The following IKZF3 variants were observed in gnomAD, a reference collection of about 807,000 sequenced individuals.
IKZF3 encodes the protein zinc finger protein Aiolos.
Under a neutral mutation model 49.0 loss-of-function variants are expected in IKZF3, and 10 were observed. The ratio of observed to expected loss-of-function variants is 0.20; its 90% CI spans 0.13 to 0.35. The LOEUF (loss-of-function observed/expected upper bound fraction) is 0.35. Ranked by LOEUF, IKZF3 falls within the 10% of genes least tolerant of loss-of-function variation. IKZF3 has a pLI of 1.00. For missense variants in IKZF3, 498 were observed against 664.8 expected, an observed-to-expected ratio of 0.75 and a Z score of 2.76; for synonymous variants, 209 against 228.2, an observed-to-expected ratio of 0.92 and a Z score of 0.76.
chr17:39,820,360 A>ATATC, intron 3 of IKZF3, among the ~76,000 whole-genome samples: 1 of 152,220 alleles, frequency 6.6e-6, no homozygotes, highest in South Asian at 2.1e-4. Flanking sequence ...ATAAAATGTG[A>ATATC]GCAATATTAA....
chr17:39,765,761 A>G lies in IKZF3; in HGVS notation c.*29T>C. The G allele has an allele frequency of 6.6e-7, 1 of 1,518,778 alleles. No individual in the cohort carries two copies. Among genetic ancestry groups the G allele is most frequent in the Non-Finnish European group, 9.0e-7 (1 of 1,110,302 alleles). 94.1% of individuals were successfully genotyped at this position (1,518,778 alleles called of 1,614,324 possible). On this transcript the variant is annotated 3_prime_UTR_variant, in exon 8 of 8. Transcript: ENST00000346872. Reference sequence around the variant, plus strand: ...TTGGTTTTTAGAAACGATGCTGAATACATAGGAGCAATCCCTGAGACCAGA... The same window carrying G: ...TTGGTTTTTAGAAACGATGCTGAATGCATAGGAGCAATCCCTGAGACCAGA...
chr17:39,834,291 C>T (rs1444515372), intron 1 of IKZF3, among the ~76,000 whole-genome samples: 2 of 152,160 alleles, frequency 1.3e-5, no homozygotes, highest in African/African-American at 2.4e-5. Flanking sequence ...GTGCTTCTTC[C>T]CTCTACTTTG....
At chr17:39,791,099 C>T (rs1057186233) in intron 5 of IKZF3, among the ~76,000 whole-genome samples, 1 of 150,518 alleles carries the variant, frequency 6.6e-6, no homozygotes, top group African/African-American at 2.4e-5. Context: ...ATAAAGTTTA[C>T]CAGAAGAAAA....
intron 3 of IKZF3, among the ~76,000 whole-genome samples, chr17:39,821,343 T>C (rs189584564): frequency 6.6e-6 from 1 of 152,240 alleles, no homozygotes; most frequent in East Asian, 1.9e-4. Flanking sequence ...TGGGATTTGC[T>C]AGATCAGCCC....
chr17:39,864,104 C>T lies in IKZF3; in HGVS notation c.7+16G>A, dbSNP rs760982298. ...TCTCAAAGACCCCGGAGAAAAGAAG[C>T]GGGCTGGAGGCTCACCTTCCATGTC... On this transcript the variant is annotated intron_variant, in intron 1 of 7. Transcript: ENST00000346872. The T allele has an allele frequency of 3.0e-5, 49 of 1,612,744 alleles. No homozygotes were observed. In the South Asian group the frequency reaches 4.5e-4, roughly 15 times the overall value.
At chr17:39,803,779 C>T (rs2061375051) in intron 3 of IKZF3, among the ~76,000 whole-genome samples, 1 of 152,126 alleles carries the variant, frequency 6.6e-6, no homozygotes, top group African/African-American at 2.4e-5. Flanking sequence ...TCCCAAAGTG[C>T]TAGGATTACA....
intron 7 of IKZF3, among the ~76,000 whole-genome samples, chr17:39,767,463 G>A (rs987374575): frequency 3.9e-5 from 6 of 152,132 alleles, no homozygotes; most frequent in Admixed American, 2.0e-4. Flanking sequence ...GAGAGAAAGC[G>A]AGGAAGTGGA....
chr17:39,781,443 A>AG (rs1026915270), intron 6 of IKZF3, among the ~76,000 whole-genome samples: 2 of 152,194 alleles, frequency 1.3e-5, no homozygotes, highest in African/African-American at 4.8e-5. Flanking sequence ...AAAGATTTAT[A>AG]GGGAAAAAAA....
rs146441202 is a variant in IKZF3 at position 39,817,714 on chromosome 17, A to G, written c.163+11673T>C. ...TGTTTTTACATTCTATTACTTTTATAATTTAGCATGTATAATTTATACATA... is the reference window on the plus strand; with the variant it reads ...TGTTTTTACATTCTATTACTTTTATGATTTAGCATGTATAATTTATACATA... On this transcript the variant is annotated intron_variant, in intron 3 of 7. Coordinates refer to ENST00000346872, the MANE Select transcript of IKZF3 (RefSeq NM_012481.5). Among the ~76,000 whole-genome samples, 517 of 152,292 alleles carry G rather than the reference A, an allele frequency of 3.4e-3. 3 individuals are homozygous for G. Among genetic ancestry groups the G allele is most frequent in the African/African-American group, 0.012 (502 of 41,552 alleles).
At position 39,828,377 on chromosome 17, in the gene IKZF3, C is replaced by T. The variant is rs534666580; in HGVS notation, c.163+1010G>A. Among the ~76,000 whole-genome samples the T allele has an allele frequency of 2.8e-4, 43 of 152,242 alleles. 1 individual carries two copies. Among genetic ancestry groups the T allele is most frequent in the African/African-American group, 6.7e-4 (28 of 41,552 alleles). On this transcript the variant is annotated intron_variant, in intron 3 of 7. Coordinates refer to ENST00000346872, the MANE Select transcript of IKZF3 (RefSeq NM_012481.5). ...CTTGCTAGACTAGTATTGCTGCCTACGATCTAGACCAGTGCAGTGGTCAAA... is the reference window on the plus strand; with the variant it reads ...CTTGCTAGACTAGTATTGCTGCCTATGATCTAGACCAGTGCAGTGGTCAAA...
intron 1 of IKZF3, among the ~76,000 whole-genome samples, chr17:39,860,241 A>AAAT (rs1193841363): frequency 6.6e-6 from 1 of 151,230 alleles, no homozygotes; most frequent in South Asian, 2.1e-4. Flanking sequence ...ATCTCTTTAA[A>AAAT]AATAATAATA....
Position 39,846,930 on chromosome 17 carries a change from C to T in IKZF3, c.8-14779G>A, listed in dbSNP as rs533726608. Among the ~76,000 whole-genome samples the T allele has an allele frequency of 2.0e-3, 310 of 152,038 alleles. 1 individual carries two copies. The highest frequency in any genetic ancestry group is 0.014 in the Middle Eastern group (4 of 294). Reference sequence around the variant, plus strand: ...TATTGAGTTTGCCAGCTGTCAGGCACCAGAGGTGCCTGGCAGCTGCCAGAA... The same window carrying T: ...TATTGAGTTTGCCAGCTGTCAGGCATCAGAGGTGCCTGGCAGCTGCCAGAA... On this transcript the variant is annotated intron_variant, in intron 1 of 7. Coordinates refer to ENST00000346872, the MANE Select transcript of IKZF3 (RefSeq NM_012481.5).
intron 7 of IKZF3, among the ~76,000 whole-genome samples, chr17:39,773,922 G>A (rs183281682): frequency 2.7e-5 from 4 of 147,770 alleles, no homozygotes; most frequent in Admixed American, 6.9e-5. Context: ...TGTAAAGATG[G>A]TGATTCCTGA....
chr17:39,790,644 C>T (rs540596449), intron 5 of IKZF3, among the ~76,000 whole-genome samples: 4 of 151,812 alleles, frequency 2.6e-5, no homozygotes, highest in East Asian at 3.9e-4. Flanking sequence ...TTTTCTAGGA[C>T]GGAAATTCTA....
At chr17:39,831,937 G>A (rs1454098284) in intron 2 of IKZF3, among the ~76,000 whole-genome samples, 161 bp downstream of exon 2, 1 of 152,008 alleles carries the variant, frequency 6.6e-6, no homozygotes, top group Non-Finnish European at 1.5e-5. Flanking sequence ...TGATCTAAAT[G>A]GATGAGTTAT....
At chr17:39,840,178 T>C (rs1460400297) in intron 1 of IKZF3, among the ~76,000 whole-genome samples, 1 of 152,220 alleles carries the variant, frequency 6.6e-6, no homozygotes. Context: ...TAGCCTCAGT[T>C]GGGCTATTTA....
At chr17:39,834,380 T>C (rs893825263) in intron 1 of IKZF3, among the ~76,000 whole-genome samples, 2 of 152,248 alleles carry the variant, frequency 1.3e-5, no homozygotes, top group African/African-American at 4.8e-5. Context: ...TTTCTAATTG[T>C]AAACATTTAA....
intron 1 of IKZF3, among the ~76,000 whole-genome samples, chr17:39,837,518 T>C (rs1242576228): frequency 1.3e-5 from 2 of 151,590 alleles, no homozygotes; most frequent in South Asian, 2.1e-4. Flanking sequence ...CCTCAAGCCA[T>C]CCTCTCACCT....
intron 1 of IKZF3, among the ~76,000 whole-genome samples, chr17:39,842,781 A>C (rs1470268363): frequency 1.3e-5 from 2 of 152,204 alleles, no homozygotes; most frequent in Admixed American, 1.3e-4. Context: ...TCTCTCCAAA[A>C]ATACTTATTA....
Sources: gnomAD v4.1 joint callset for allele counts (sites outside exome capture counted in the v4.1 genomes callset) on GRCh38, gnomAD v4.1.1 for gene constraint, MANE v1.5 for transcripts, NCBI Gene and HGNC (gene_info 2026-07-23, HGNC 2026-07-21) for gene names.